Variants in SGPP2 observed in about 807,000 individuals in gnomAD.
SGPP2 encodes sphingosine 1-phosphate phosphohydrolase 2.
Under a neutral mutation model 33.9 loss-of-function variants are expected in SGPP2, and 30 were observed. The ratio of observed to expected loss-of-function variants is 0.89; its 90% CI spans 0.66 to 1.20. The LOEUF (loss-of-function observed/expected upper bound fraction) is 1.20. Ranked by LOEUF, SGPP2 falls within the 50% of genes most tolerant of loss-of-function variation. SGPP2 has a pLI of 0.00. For synonymous variants in SGPP2, 233 were observed against 225.0 expected (o/e 1.04, Z -0.32); for missense variants, 458 against 532.1 (o/e 0.86, Z 1.37).
chr2:222,475,982 T>A (rs1697927276), intron 2 of SGPP2, among the ~76,000 whole-genome samples: 1 of 152,182 alleles, frequency 6.6e-6, no homozygotes, highest in African/African-American at 2.4e-5. Context: ...CAGGTTGCTA[T>A]TTGAGCATGA....
intron 1 of SGPP2, among the ~76,000 whole-genome samples, chr2:222,459,814 CTG>C (rs1697632171): frequency 6.6e-6 from 1 of 152,188 alleles, no homozygotes; most frequent in Non-Finnish European, 1.5e-5. Context: ...CCTTGTAAAA[CTG>C]AGATACTGCA....
chr2:222,427,228 A>G (rs1206266568), intron 1 of SGPP2, among the ~76,000 whole-genome samples: 1 of 152,188 alleles, frequency 6.6e-6, no homozygotes, highest in Admixed American at 6.5e-5. Context: ...TTTTGTGAAT[A>G]CATGCATGTA....
chr2:222,444,276 G>A (rs767630286), intron 1 of SGPP2, among the ~76,000 whole-genome samples: 1 of 152,194 alleles, frequency 6.6e-6, no homozygotes, highest in Non-Finnish European at 1.5e-5. Context: ...GCAGCATAGG[G>A]AAGCATTCAG....
At chr2:222,425,425 C>T (rs1004503250) in intron 1 of SGPP2, among the ~76,000 whole-genome samples, 3 of 152,222 alleles carry the variant, frequency 2.0e-5, no homozygotes, top group African/African-American at 7.2e-5. Context: ...GGGGTCCCTC[C>T]TGCCTGGTGG....
intron 4 of SGPP2, among the ~76,000 whole-genome samples, chr2:222,554,000 T>TAGAGGA (rs767067856): frequency 1.4e-4 from 21 of 152,156 alleles, no homozygotes; most frequent in Non-Finnish European, 2.5e-4. Flanking sequence ...CCAACCTGTG[T>TAGAGGA]AGAGGACACA....
At chr2:222,478,758 G>A (rs1049302456) in intron 2 of SGPP2, among the ~76,000 whole-genome samples, 1 of 151,246 alleles carries the variant, frequency 6.6e-6, no homozygotes, top group African/African-American at 2.5e-5. Flanking sequence ...TACATTAAGG[G>A]TGACTCACAC....
chr2:222,434,900 G>T (rs1433590546), intron 1 of SGPP2, among the ~76,000 whole-genome samples: 2 of 151,732 alleles, frequency 1.3e-5, no homozygotes, highest in Non-Finnish European at 2.9e-5. Context: ...TTGACAAATG[G>T]AAGGAGCCTC....
chr2:222,555,056 C>T (rs1689365637), intron 4 of SGPP2, among the ~76,000 whole-genome samples: 1 of 152,062 alleles, frequency 6.6e-6, no homozygotes, highest in Non-Finnish European at 1.5e-5. Context: ...ATCAATTCTC[C>T]ATCACTATGG....
rs34251474 is a variant in SGPP2, at chr2:222,556,871, C to T, written c.649-1476C>T. On this transcript the variant is annotated intron_variant, in intron 4 of 4. Transcript: ENST00000321276. ...CCCTCACTCCTTCCCCATCCACCCT[C>T]ACTCCTCCCCATCCACCCTCACTCC... is the stretch of plus-strand genomic sequence containing the variant. 3.1e-4 allele frequency among the ~76,000 whole-genome samples: 16 copies of T among 52,304 alleles called. 3 individuals are homozygous for T. Among genetic ancestry groups the T allele is most frequent in the East Asian group, 4.8e-4 (1 of 2,078 alleles). 34.3% of individuals were successfully genotyped at this position (52,304 alleles called of 152,430 possible).
At chr2:222,557,103 G>C (rs376175567) in intron 4 of SGPP2, among the ~76,000 whole-genome samples, 8 of 152,144 alleles carry the variant, frequency 5.3e-5, no homozygotes, top group African/African-American at 1.9e-4. Flanking sequence ...TGGACTTTAG[G>C]GCCCTGTGTG....
At chr2:222,511,960 G>A (rs1698535924) in intron 2 of SGPP2, among the ~76,000 whole-genome samples, 1 of 152,072 alleles carries the variant, frequency 6.6e-6, no homozygotes, top group African/African-American at 2.4e-5. Flanking sequence ...TTACAGGTAT[G>A]AGCCACCATG....
chr2:222,447,955 A>AGAGAGGTG (rs1697421496), intron 1 of SGPP2, among the ~76,000 whole-genome samples: 1 of 152,244 alleles, frequency 6.6e-6, no homozygotes, highest in Admixed American at 6.5e-5. Flanking sequence ...AGAGAGAGCA[A>AGAGAGGTG]GAGAGGTGTA....
chr2:222,498,152 G>T (rs888059895), intron 2 of SGPP2: 2 of 152,114 alleles, frequency 1.3e-5, no homozygotes, highest in African/African-American at 4.8e-5. Flanking sequence ...GTTCAGTGTT[G>T]CCTCAACCAT....
At chr2:222,534,985 A>G (rs1698891663) in intron 4 of SGPP2, among the ~76,000 whole-genome samples, 1 of 152,250 alleles carries the variant, frequency 6.6e-6, no homozygotes, top group South Asian at 2.1e-4. Flanking sequence ...CATATTTTCC[A>G]GCAAGAACTT....
chr2:222,490,151 T>C (rs1291644374), intron 2 of SGPP2, among the ~76,000 whole-genome samples: 1 of 152,156 alleles, frequency 6.6e-6, no homozygotes, highest in Non-Finnish European at 1.5e-5. Flanking sequence ...GAAACATATT[T>C]TTATAAATTT....
intron 1 of SGPP2, among the ~76,000 whole-genome samples, chr2:222,425,112 A>G (rs1277356384): frequency 1.3e-5 from 2 of 152,242 alleles, no homozygotes; most frequent in East Asian, 1.9e-4. Context: ...CGTAGATGCC[A>G]GCAAATATGT....
intron 2 of SGPP2, among the ~76,000 whole-genome samples, chr2:222,484,401 G>A (rs1698073825): frequency 6.6e-6 from 1 of 152,180 alleles, no homozygotes; most frequent in Non-Finnish European, 1.5e-5. Context: ...ACTGTATCGT[G>A]TGGATGGATG....
intron 2 of SGPP2, among the ~76,000 whole-genome samples, chr2:222,511,872 T>C (rs2106125921): frequency 6.6e-6 from 1 of 152,202 alleles, no homozygotes; most frequent in East Asian, 1.9e-4. Flanking sequence ...AGAGACAGGG[T>C]TTCACCATGT....
intron 1 of SGPP2, among the ~76,000 whole-genome samples, chr2:222,441,730 A>G (rs1206968316): frequency 1.3e-5 from 2 of 152,198 alleles, no homozygotes; most frequent in Non-Finnish European, 2.9e-5. Flanking sequence ...TTTTAATTTT[A>G]TAAAAAGATT....
Sources: gnomAD v4.1 joint callset for allele counts (sites outside exome capture counted in the v4.1 genomes callset) on GRCh38, gnomAD v4.1.1 for gene constraint, MANE v1.5 for transcripts, NCBI Gene and HGNC (gene_info 2026-07-23, HGNC 2026-07-21) for gene names.